Variants in LY86 observed in about 807,000 individuals in gnomAD.
LY86 encodes the protein lymphocyte antigen 86.
Under a neutral mutation model 17.3 loss-of-function variants are expected in LY86, and 20 were observed. The observed-to-expected ratio is 1.15, with a 90% CI of 0.81 to 1.68. LY86 has a LOEUF of 1.68. Ranked by LOEUF, LY86 falls within the 40% of genes most tolerant of loss-of-function variation. The pLI is 0.00. For synonymous variants in LY86, 74 were observed against 70.6 expected (o/e 1.05, Z -0.24); for missense variants, 200 against 191.9 (o/e 1.04, Z -0.25).
intron 3 of LY86, among the ~76,000 whole-genome samples, chr6:6,641,417 C>CTCT (rs1762038075): frequency 6.6e-6 from 1 of 152,208 alleles, no homozygotes; most frequent in Non-Finnish European, 1.5e-5. Flanking sequence ...CCTCCAGTCC[C>CTCT]TCTTTTCTAA....
intron 1 of LY86, among the ~76,000 whole-genome samples, chr6:6,590,222 C>T (rs925141647): frequency 7.2e-5 from 11 of 151,810 alleles, no homozygotes; most frequent in Admixed American, 2.6e-4. Context: ...CCAAGACTCC[C>T]AGTGGATGCC....
At position 6,626,384 on chromosome 6, in the gene LY86, T is replaced by C. The variant is rs753325498; in HGVS notation, c.315T>C (p.Ala105=). 8 of 1,613,888 alleles carry C rather than the reference T, an allele frequency of 5.0e-6. No individual in the cohort carries two copies. Among genetic ancestry groups the C allele is most frequent in the Non-Finnish European group, 6.8e-6 (8 of 1,179,992 alleles). The part of the protein sequence containing the change: ...LNFSYPICEA[A]LPKFSFCGRR... ...TCTCCTATCCCATCTGTGAGGCGGCTCTGCCCAAGTTTTCTTTCTGTGGAA... is the reference window on the plus strand; with the variant it reads ...TCTCCTATCCCATCTGTGAGGCGGCCCTGCCCAAGTTTTCTTTCTGTGGAA... Residue 105 remains alanine, a synonymous_variant, in exon 3 of 5, where the codon GCT becomes GCC. Transcript: ENST00000230568.
At chr6:6,624,376 T>TGGGATGGGATGGGATGGGAC in intron 1 of LY86, among the ~76,000 whole-genome samples, 2 of 86,568 alleles carry the variant, frequency 2.3e-5, no homozygotes, top group African/African-American at 1.1e-4. Context: ...TTACATTAAA[T>TGGGATGGGATGGGATGGGAC]GGGATGGGAT....
intron 3 of LY86, among the ~76,000 whole-genome samples, chr6:6,628,304 TCCTTCTCTC>T (rs1761836388): frequency 7.9e-6 from 1 of 126,538 alleles, no homozygotes; most frequent in Non-Finnish European, 1.6e-5. Context: ...CTCCCCTTCT[TCCTTCTCTC>T]CCTTCTCTCC....
chr6:6,597,136 G>A (rs543647233), intron 1 of LY86, among the ~76,000 whole-genome samples: 2 of 152,244 alleles, frequency 1.3e-5, no homozygotes, highest in African/African-American at 4.8e-5. Flanking sequence ...AGCAGCGATT[G>A]TGAGGTCCTG....
At chr6:6,623,906 A>T (rs1761730938) in intron 1 of LY86, among the ~76,000 whole-genome samples, 1 of 152,240 alleles carries the variant, frequency 6.6e-6, no homozygotes, top group Non-Finnish European at 1.5e-5. Flanking sequence ...GTGTTGCAGG[A>T]TAAGCCACGT....
chr6:6,645,473 C>T (rs1290848717), intron 3 of LY86, among the ~76,000 whole-genome samples: 1 of 152,084 alleles, frequency 6.6e-6, no homozygotes, highest in African/African-American at 2.4e-5. Context: ...AATTGCCCAA[C>T]ATCACTTAGC....
chr6:6,593,663 TCAAA>T (rs1302705719), intron 1 of LY86, among the ~76,000 whole-genome samples: 1 of 152,244 alleles, frequency 6.6e-6, no homozygotes, highest in East Asian at 1.9e-4. Context: ...TGAAGCCAAA[TCAAA>T]CAAGGACATG....
chr6:6,642,850 C>G (rs1417770881), intron 3 of LY86, among the ~76,000 whole-genome samples: 1 of 152,214 alleles, frequency 6.6e-6, no homozygotes, highest in Non-Finnish European at 1.5e-5. Flanking sequence ...TAGAACGAAG[C>G]CATGCACTCC....
At chr6:6,627,527 A>C (rs75668669) in intron 3 of LY86, among the ~76,000 whole-genome samples, 3,822 of 152,234 alleles carry the variant, frequency 0.025, 77 homozygotes, top group Middle Eastern at 0.065. Flanking sequence ...AGCGTTTGCC[A>C]TGTTGGACTG....
intron 3 of LY86, among the ~76,000 whole-genome samples, chr6:6,642,319 G>T (rs980497092): frequency 3.3e-5 from 5 of 152,280 alleles, no homozygotes; most frequent in Non-Finnish European, 7.3e-5. Flanking sequence ...AGCCAAGCCT[G>T]CAGCACTGAG....
In LY86 at chr6:6,652,077, AAAAAG is replaced by A. The variant is rs1268898037; in HGVS notation, c.405+2401_405+2405del. ...TCTCAAAAAAAAAAAAAAAAAAAAA[AAAAAG>A]GAAAAAGGTTGACCAGATAAGTAAA... On this transcript the variant is annotated intron_variant, in intron 4 of 4. Transcript: ENST00000230568. Among the ~76,000 whole-genome samples the A allele has an allele frequency of 2.0e-4, 29 of 146,196 alleles. 1 individual carries two copies. In the East Asian group the frequency reaches 5.1e-3, roughly 26 times the overall value.
rs1361178589 is a variant in LY86 at position 6,654,626 on chromosome 6, G to C, written c.488G>C (p.Ter163SerextTer62). Residue 163 changes from the stop codon to serine, a stop_lost, in exon 5 of 5, where the codon TGA becomes TCA. Transcript: ENST00000230568. ...ACANATIMCS[*>S] ...GCCAATGCTACTATCATGTGCTCCT[G>C]ACTGTGGCCTGTAGCAAAAATCACA... 6.2e-7 allele frequency: 1 copy of C among 1,613,980 alleles called. No individual in the cohort carries two copies. The highest frequency in any genetic ancestry group is 1.3e-5 in the African/African-American group (1 of 75,054).
intron 1 of LY86, among the ~76,000 whole-genome samples, chr6:6,613,170 G>A (rs1385574054): frequency 1.3e-5 from 2 of 152,252 alleles, no homozygotes; most frequent in African/African-American, 4.8e-5. Flanking sequence ...TAGACATAAA[G>A]ATTCTCCAAG....
rs867929728 is a variant in LY86, at chr6:6,588,774, A to AT, written c.45dup (p.Pro16SerfsTer19). The AT allele has an allele frequency of 1.6e-5, 26 of 1,613,932 alleles. No individual in the cohort carries two copies. The highest frequency in any genetic ancestry group is 2.0e-5 in the Non-Finnish European group (24 of 1,179,986). ...AGCCACTCTCTTCCTCTGGACTCTGATTTTTCCCAGCTGCAGTGGAGGCGG... is the reference window on the plus strand; with the variant it reads ...AGCCACTCTCTTCCTCTGGACTCTGATTTTTTCCCAGCTGCAGTGGAGGCGG... On this transcript the variant is annotated frameshift_variant, in exon 1 of 5. Transcript: ENST00000230568. LOFTEE classifies it high-confidence loss of function.
chr6:6,634,734 A>G (rs1761938941), intron 3 of LY86, among the ~76,000 whole-genome samples: 1 of 152,234 alleles, frequency 6.6e-6, no homozygotes, highest in South Asian at 2.1e-4. Flanking sequence ...TGTCTTAACA[A>G]TAATATCTAG....
chr6:6,633,318 G>C (rs1473063957), intron 3 of LY86, among the ~76,000 whole-genome samples: 1 of 152,194 alleles, frequency 6.6e-6, no homozygotes, highest in South Asian at 2.1e-4. Flanking sequence ...GGCGATTTGG[G>C]TAGAGACTCA....
At chr6:6,606,377 C>G (rs148572044) in intron 1 of LY86, among the ~76,000 whole-genome samples, 1 of 151,904 alleles carries the variant, frequency 6.6e-6, no homozygotes, top group Admixed American at 6.5e-5. Flanking sequence ...TTCTCCAAGT[C>G]CCCCCCAGAC....
intron 1 of LY86, among the ~76,000 whole-genome samples, chr6:6,597,529 A>G (rs1464604704): frequency 6.6e-6 from 1 of 152,212 alleles, no homozygotes; most frequent in African/African-American, 2.4e-5. Flanking sequence ...ATGTAAGGCA[A>G]TATCTGAGGC....
Sources: gnomAD v4.1 joint callset for allele counts (sites outside exome capture counted in the v4.1 genomes callset) on GRCh38, gnomAD v4.1.1 for gene constraint, MANE v1.5 for transcripts, NCBI Gene and HGNC (gene_info 2026-07-23, HGNC 2026-07-21) for gene names.